Variants in ESRRG observed in about 807,000 individuals in gnomAD.
ESRRG encodes the protein estrogen related receptor gamma, also known as estrogen-related receptor gamma.
Under a neutral mutation model 44.0 loss-of-function variants are expected in ESRRG, and 13 were observed. The ratio of observed to expected loss-of-function variants is 0.30; its 90% confidence interval spans 0.19 to 0.47. The LOEUF (loss-of-function observed/expected upper bound fraction) is 0.47, where lower values mean the gene tolerates loss of function less well. Among genes scored for constraint, ESRRG ranks in the 20% least tolerant of loss-of-function variants. The pLI, the probability that ESRRG is intolerant of heterozygous loss-of-function variation, is 1.00. For missense variants in ESRRG, 395 were observed against 580.6 expected (o/e 0.68, Z 3.29); for synonymous variants, 215 against 214.6 (o/e 1.00, Z -0.02).
chr1:217,084,781 CTTTGA>C (rs1333322614), intron 1 of ESRRG, among the ~76,000 whole-genome samples: 23 of 152,116 alleles, frequency 1.5e-4, no homozygotes, highest in Admixed American at 1.5e-3. Context: ...AATAAAATAT[CTTTGA>C]CTCCCCAGTA....
At chr1:216,919,382 C>A (rs11572515) in intron 2 of ESRRG, among the ~76,000 whole-genome samples, 27 of 152,212 alleles carry the variant, frequency 1.8e-4, no homozygotes, top group Admixed American at 2.6e-4. Context: ...AACAGCACTT[C>A]CGGGGTTGAG....
chr1:217,116,860 G>A lies in ESRRG; in HGVS notation c.-230+20807C>T, dbSNP rs554332255. ...TTGGCAAGAATCTCTACTATTAAAG[G>A]ATTGAGGATAAATTTAAACATTTAG... On this transcript the variant is annotated intron_variant, in intron 1 of 8. Coordinates refer to the ESRRG transcript ENST00000366940. Among the ~76,000 whole-genome samples, 8 of 152,262 alleles carry A rather than the reference G, an allele frequency of 5.3e-5. 1 individual carries two copies. The South Asian group carries it at 1.2e-3, about 24-fold the overall frequency.
intron 2 of ESRRG, among the ~76,000 whole-genome samples, chr1:216,760,588 G>A (rs1421276665): frequency 6.6e-6 from 1 of 151,900 alleles, no homozygotes. Context: ...GGGTGACACA[G>A]GGAGGTCTTT....
chr1:217,073,723 G>A (rs758759363), intron 1 of ESRRG, among the ~76,000 whole-genome samples: 3 of 151,936 alleles, frequency 2.0e-5, no homozygotes, highest in Non-Finnish European at 2.9e-5. Flanking sequence ...AGGGAGGAAG[G>A]AAAGAAGGAA....
intron 2 of ESRRG, among the ~76,000 whole-genome samples, chr1:216,803,364 C>T (rs1412256094): frequency 6.6e-6 from 1 of 152,100 alleles, no homozygotes; most frequent in Non-Finnish European, 1.5e-5. Flanking sequence ...TTTCTTAAAA[C>T]AAAGGCTCAG....
At chr1:216,973,060 T>C (rs2789563) in intron 1 of ESRRG, among the ~76,000 whole-genome samples, 73,689 of 151,864 alleles carry the variant, frequency 0.49, 19,659 homozygotes, top group East Asian at 0.73. Flanking sequence ...CCACTGTGTG[T>C]CCTCCCTGGA....
intron 1 of ESRRG, among the ~76,000 whole-genome samples, chr1:216,971,570 A>G (rs1301093496): frequency 6.6e-6 from 1 of 152,220 alleles, no homozygotes; most frequent in Non-Finnish European, 1.5e-5. Context: ...ACTGCAGAGA[A>G]AAATGTCTCT....
intron 3 of ESRRG, among the ~76,000 whole-genome samples, chr1:216,609,568 A>G (rs1259469542): frequency 1.3e-5 from 2 of 152,212 alleles, no homozygotes; most frequent in Non-Finnish European, 2.9e-5. Context: ...TCATAATTCA[A>G]TAATATCCAT....
chr1:216,719,421 T>C (rs1277646841), intron 1 of ESRRG, among the ~76,000 whole-genome samples: 6 of 151,974 alleles, frequency 3.9e-5, no homozygotes, highest in Non-Finnish European at 1.5e-5. Context: ...AAAAAACTGA[T>C]TAAAATACCT....
intron 1 of ESRRG, among the ~76,000 whole-genome samples, chr1:216,997,681 T>C (rs906004511): frequency 6.6e-6 from 1 of 152,220 alleles, no homozygotes; most frequent in African/African-American, 2.4e-5. Flanking sequence ...ACTGAGGTCA[T>C]CTTTCCTAAA....
chr1:216,913,534 C>T (rs1382419886), intron 2 of ESRRG, among the ~76,000 whole-genome samples: 1 of 152,228 alleles, frequency 6.6e-6, no homozygotes, highest in Non-Finnish European at 1.5e-5. Flanking sequence ...ATCATTATTG[C>T]TTCACATAAT....
chr1:217,131,396 C>T (rs2092963737), intron 1 of ESRRG, among the ~76,000 whole-genome samples: 1 of 151,682 alleles, frequency 6.6e-6, no homozygotes, highest in Non-Finnish European at 1.5e-5. Flanking sequence ...TCACTTTGAT[C>T]TCAAGCATGT....
intron 1 of ESRRG, among the ~76,000 whole-genome samples, chr1:216,684,304 T>C (rs2077545956): frequency 6.6e-6 from 1 of 152,240 alleles, no homozygotes; most frequent in Non-Finnish European, 1.5e-5. Context: ...GGTCCTGTGA[T>C]ATCACAATGT....
chr1:216,977,066 G>T (rs543821688), intron 1 of ESRRG, among the ~76,000 whole-genome samples: 2 of 152,082 alleles, frequency 1.3e-5, no homozygotes, highest in African/African-American at 2.4e-5. Context: ...AATCTTGCTC[G>T]CTCTCTCTTA....
chr1:217,029,214 A>AT (rs1240461646), intron 1 of ESRRG, among the ~76,000 whole-genome samples: 1 of 152,238 alleles, frequency 6.6e-6, no homozygotes, highest in African/African-American at 2.4e-5. Flanking sequence ...CAGCTTTTGC[A>AT]TGATTAACCA....
At chr1:216,560,517 T>A (rs897727359) in intron 5 of ESRRG, among the ~76,000 whole-genome samples, 6 of 152,206 alleles carry the variant, frequency 3.9e-5, no homozygotes, top group African/African-American at 1.4e-4. Flanking sequence ...TTATGCTTTT[T>A]AAAGCACCAT....
intron 2 of ESRRG, among the ~76,000 whole-genome samples, chr1:216,820,721 C>T (rs1367506552): frequency 6.6e-6 from 1 of 152,182 alleles, no homozygotes; most frequent in Non-Finnish European, 1.5e-5. Flanking sequence ...ATTAGCCACC[C>T]GTTCTTATTA....
intron 5 of ESRRG, among the ~76,000 whole-genome samples, chr1:216,531,394 G>A (rs1033881803): frequency 3.3e-5 from 5 of 151,956 alleles, no homozygotes; most frequent in African/African-American, 9.7e-5. Flanking sequence ...CCAAGTTCAC[G>A]GCTCGTGTTT....
chr1:217,015,098 A>G (rs1404411467), intron 1 of ESRRG, among the ~76,000 whole-genome samples: 1 of 152,188 alleles, frequency 6.6e-6, no homozygotes, highest in South Asian at 2.1e-4. Context: ...GAATCCAATC[A>G]TCTCTTTTCT....
Sources: gnomAD v4.1 joint callset for allele counts (sites outside exome capture counted in the v4.1 genomes callset) on GRCh38, gnomAD v4.1.1 for gene constraint, MANE v1.5 for transcripts, NCBI Gene and HGNC (gene_info 2026-07-23, HGNC 2026-07-21) for gene names.